Variants in TCF4 observed in about 807,000 individuals in gnomAD.
TCF4 encodes the protein SL3-3 enhancer factor 2.
Under a neutral mutation model 82.1 loss-of-function variants are expected in TCF4, and 3 were observed. The observed-to-expected ratio is 0.04, with a 90% CI of 0.02 to 0.09. The LOEUF is 0.09. Ranked by LOEUF, TCF4 falls within the 10% of genes least tolerant of loss-of-function variation. The pLI, the probability that TCF4 is intolerant of heterozygous loss-of-function variation, is 1.00. For synonymous variants in TCF4, 276 were observed against 309.6 expected (o/e 0.89, Z 1.14); for missense variants, 518 against 852.7 (o/e 0.61, Z 4.89).
rs1208323500 is a variant in TCF4 at position 55,229,083 on chromosome 18, G to A, written c.1650-7C>T. 6.2e-7 allele frequency: 1 copy of A among 1,613,698 alleles called. No homozygotes were observed. On this transcript the variant is annotated splice_polypyrimidine_tract_variant and splice_region_variant and intron_variant, in intron 17 of 19. Transcript: ENST00000354452. ...GTCCTCATCGTCATTATTGCTGTGG[G>A]ACAAAAGGGATGCAACATTTTCTAA...
intron 6 of TCF4, among the ~76,000 whole-genome samples, chr18:55,352,893 G>T (rs2082610380): frequency 6.6e-6 from 1 of 152,130 alleles, no homozygotes; most frequent in Non-Finnish European, 1.5e-5. Context: ...AGCTGTGAAT[G>T]ATTTGAAATC....
chr18:55,521,154 A>G (rs896988991), intron 3 of TCF4, among the ~76,000 whole-genome samples: 6 of 152,196 alleles, frequency 3.9e-5, no homozygotes, highest in Admixed American at 3.9e-4. Context: ...ATTTTCCCCC[A>G]GAAACAAAAA....
intron 2 of TCF4, among the ~76,000 whole-genome samples, chr18:55,620,901 T>C (rs1166968198): frequency 2.6e-5 from 4 of 152,072 alleles, no homozygotes; most frequent in African/African-American, 9.7e-5. Flanking sequence ...AACAAACATT[T>C]ATGTACCAGA....
intron 2 of TCF4, among the ~76,000 whole-genome samples, chr18:55,597,104 C>T (rs1346887126): frequency 6.6e-6 from 1 of 152,198 alleles, no homozygotes; most frequent in Non-Finnish European, 1.5e-5. Flanking sequence ...CCTTTGTCTG[C>T]TGTGACTATA....
At chr18:55,517,293 G>T (rs1376559536) in intron 3 of TCF4, among the ~76,000 whole-genome samples, 1 of 152,146 alleles carries the variant, frequency 6.6e-6, no homozygotes, top group Non-Finnish European at 1.5e-5. Flanking sequence ...CTACCATGAT[G>T]TGAAGAACCC....
chr18:55,486,677 G>A (rs1391753139), intron 3 of TCF4, among the ~76,000 whole-genome samples: 2 of 152,112 alleles, frequency 1.3e-5, no homozygotes, highest in Non-Finnish European at 2.9e-5. Flanking sequence ...CCAAGGTGTG[G>A]CCAGAGAACA....
chr18:55,329,274 C>T (rs1277190373), intron 8 of TCF4, among the ~76,000 whole-genome samples: 1 of 152,112 alleles, frequency 6.6e-6, no homozygotes, highest in East Asian at 1.9e-4. Flanking sequence ...TCAAAATAAA[C>T]TTGAATTTTA....
chr18:55,389,074 C>A (rs550939321), intron 6 of TCF4, among the ~76,000 whole-genome samples: 1 of 151,388 alleles, frequency 6.6e-6, no homozygotes, highest in Non-Finnish European at 1.5e-5. Context: ...TGCAGTGAGC[C>A]GAGATCACAC....
chr18:55,339,429 C>G (rs1254105587), intron 8 of TCF4, among the ~76,000 whole-genome samples: 1 of 152,104 alleles, frequency 6.6e-6, no homozygotes, highest in African/African-American at 2.4e-5. Context: ...CTTTGTAATC[C>G]ACAAGGTGGC....
chr18:55,279,351 A>G (rs1386099614), intron 9 of TCF4, among the ~76,000 whole-genome samples, 200 bp downstream of exon 9: 1 of 152,224 alleles, frequency 6.6e-6, no homozygotes, highest in Non-Finnish European at 1.5e-5. Context: ...TACTGCTTAA[A>G]GGGGTTTAAT....
At chr18:55,605,411 C>A (rs2097701318) in intron 2 of TCF4, among the ~76,000 whole-genome samples, 2 of 152,118 alleles carry the variant, frequency 1.3e-5, no homozygotes, top group Non-Finnish European at 2.9e-5. Context: ...CAAATGGTGA[C>A]ATTGTGTGGT....
chr18:55,322,813 A>G lies in TCF4; in HGVS notation c.549+27546T>C, dbSNP rs368086253. ...ATTTGCTGGGCTCTAAAGCAAGTTT[A>G]TTGGTACCTTCGAACCGACGAATAT... is the stretch of plus-strand genomic sequence containing the variant. On this transcript the variant is annotated intron_variant, in intron 8 of 19. Transcript: ENST00000354452. Among the ~76,000 whole-genome samples, 6 of 152,350 alleles carry G rather than the reference A, an allele frequency of 3.9e-5. No individual in the cohort carries two copies. The East Asian group carries it at 1.2e-3, about 29-fold the overall frequency.
At chr18:55,401,479 C>T (rs2093815980) in intron 6 of TCF4, 1 of 992,792 alleles carries the variant, frequency 1.0e-6, no homozygotes, top group Middle Eastern at 5.2e-4. Context: ...TTTTCCTGGA[C>T]ATTAATGCCT....
At chr18:55,446,954 C>T (rs1439284104) in intron 5 of TCF4, among the ~76,000 whole-genome samples, 4 of 141,596 alleles carry the variant, frequency 2.8e-5, no homozygotes, top group African/African-American at 1.1e-4. Flanking sequence ...CCACTGCATG[C>T]TAGCCTGGGG....
At chr18:55,406,744 C>G (rs998308486) in intron 5 of TCF4, among the ~76,000 whole-genome samples, 3 of 152,208 alleles carry the variant, frequency 2.0e-5, no homozygotes, top group African/African-American at 7.2e-5. Flanking sequence ...CCGCCTCCCC[C>G]CATCCCCACA....
chr18:55,232,190 T>C (rs2048107540), intron 17 of TCF4: 1 of 295,302 alleles, frequency 3.4e-6, no homozygotes, highest in Non-Finnish European at 6.4e-6. Context: ...TTAGAAATAT[T>C]ATAGACACAA....
chr18:55,505,346 C>A (rs546270199), intron 3 of TCF4, among the ~76,000 whole-genome samples: 79 of 152,124 alleles, frequency 5.2e-4, no homozygotes, highest in Non-Finnish European at 1.0e-3. Context: ...ATATTACTAT[C>A]AACAATACAT....
intron 15 of TCF4, among the ~76,000 whole-genome samples, chr18:55,245,851 C>T (rs1402685867): frequency 6.6e-6 from 1 of 151,132 alleles, no homozygotes; most frequent in African/African-American, 2.4e-5. Flanking sequence ...TGTATTATCA[C>T]TCTACCAGGA....
Position 55,257,406 on chromosome 18 carries a change from G to A in TCF4, c.1070-15C>T. On this transcript the variant is annotated splice_polypyrimidine_tract_variant and intron_variant, in intron 13 of 19. Coordinates refer to ENST00000354452, the MANE Select transcript of TCF4 (RefSeq NM_001083962.2). ...AGCTGTGCCTGCTGATATTAAAGTG[G>A]GAATTACAATCAGATCTAGACACAT... The A allele has an allele frequency of 6.2e-7, 1 of 1,613,112 alleles. No individual in the cohort carries two copies. The highest frequency in any genetic ancestry group is 8.5e-7 in the Non-Finnish European group (1 of 1,179,314).
Sources: gnomAD v4.1 joint callset for allele counts (sites outside exome capture counted in the v4.1 genomes callset) on GRCh38, gnomAD v4.1.1 for gene constraint, MANE v1.5 for transcripts, NCBI Gene and HGNC (gene_info 2026-07-23, HGNC 2026-07-21) for gene names.